Variants in SEL1L observed in about 807,000 individuals in gnomAD.
The protein encoded by SEL1L is SEL1L adaptor subunit of SYVN1 ubiquitin ligase.
Under a neutral mutation model 109.8 loss-of-function variants are expected in SEL1L, and 52 were observed. That is an observed-to-expected ratio of 0.47 (90% CI 0.38 to 0.60). The LOEUF (loss-of-function observed/expected upper bound fraction) is 0.60. Among genes scored for constraint, SEL1L ranks in the 20% least tolerant of loss-of-function variants. SEL1L has a pLI of 0.00. For missense variants in SEL1L, 749 were observed against 962.2 expected, an observed-to-expected ratio of 0.78 and a Z score of 2.93; for synonymous variants, 373 against 339.6, an observed-to-expected ratio of 1.10 and a Z score of -1.08.
intron 15 of SEL1L, 150 bp from the exon 16 acceptor site, chr14:81,487,688 A>G: frequency 6.7e-7 from 1 of 1,502,350 alleles, no homozygotes; most frequent in African/African-American, 1.4e-5. Context: ...ACTGATACAG[A>G]TTAATATAAT....
At chr14:81,502,676 A>G (rs1357528145) in intron 6 of SEL1L, 45 bp downstream of exon 6, 1 of 1,574,804 alleles carries the variant, frequency 6.3e-7, no homozygotes, top group South Asian at 1.2e-5. Flanking sequence ...TTTAAAACTA[A>G]CAAGTGTTAC....
intron 11 of SEL1L, among the ~76,000 whole-genome samples, chr14:81,493,664 A>G (rs558118174): frequency 5.3e-5 from 8 of 152,332 alleles, no homozygotes; most frequent in Admixed American, 5.2e-4. Context: ...TAAATTGGTG[A>G]CATGCACTTC....
intron 8 of SEL1L, 79 bp downstream of exon 8, chr14:81,499,380 G>A: frequency 1.9e-6 from 3 of 1,557,938 alleles, no homozygotes; most frequent in Non-Finnish European, 2.6e-6. Flanking sequence ...GATCATGAAA[G>A]CTGAAAAAGT....
At chr14:81,517,072 G>A (rs1884729463) in intron 3 of SEL1L, among the ~76,000 whole-genome samples, 1 of 152,186 alleles carries the variant, frequency 6.6e-6, no homozygotes, top group Non-Finnish European at 1.5e-5. Flanking sequence ...GATATATGGT[G>A]AAAGCGTTAA....
At chr14:81,531,421 CA>C (rs1885318038) in intron 1 of SEL1L, among the ~76,000 whole-genome samples, 2 of 152,160 alleles carry the variant, frequency 1.3e-5, no homozygotes, top group Admixed American at 1.3e-4. Flanking sequence ...TGTTCAAACA[CA>C]AAATTATAAC....
In SEL1L at chr14:81,498,425, C is replaced by A. The variant is rs750713305; in HGVS notation, c.961G>T (p.Val321Phe). 1 of 1,613,334 alleles carries A rather than the reference C, an allele frequency of 6.2e-7. No individual in the cohort carries two copies. The highest frequency in any genetic ancestry group is 1.1e-5 in the South Asian group (1 of 90,980). Reference sequence around the variant, plus strand: ...GAAACATAGATACCATGATTGGCAACAAGACGATAGTGAGTCAGGGCAGAT... The same window carrying A: ...GAAACATAGATACCATGATTGGCAAAAAGACGATAGTGAGTCAGGGCAGAT... ...CESALTHYRLVANHVASDISL... is the reference protein window; with the variant it reads ...CESALTHYRLFANHVASDISL... The change falls in exon 9 of 21, where the codon GTT (valine) becomes TTT (phenylalanine). Residue 321 changes from valine (V) to phenylalanine (F), a missense_variant. Around this residue, in one of 2 missense-constraint regions of SEL1L, gnomAD observed 366 missense variants for 399.8 expected, o/e 0.92. Coordinates refer to ENST00000336735, the MANE Select transcript of SEL1L (RefSeq NM_005065.6).
Position 81,487,413 on chromosome 14 carries a change from G to T in SEL1L, c.1609C>A (p.Arg537=). The change falls in exon 16 of 21, where the codon CGA becomes AGA. Residue 537 remains arginine (R), a synonymous_variant. Coordinates refer to ENST00000336735, the MANE Select transcript of SEL1L (RefSeq NM_005065.6). The part of the protein sequence containing the change: ...QMHASGTGVM[R]SCHTAVELFK... Reference sequence around the variant, plus strand: ...ACCTCCACTGCAGTGTGACATGATCGCATCACGCCGGTGCCACTGGCATGC... The same window carrying T: ...ACCTCCACTGCAGTGTGACATGATCTCATCACGCCGGTGCCACTGGCATGC... 1 of 1,591,038 alleles carries T rather than the reference G, an allele frequency of 6.3e-7. No individual in the cohort carries two copies. The highest frequency in any genetic ancestry group is 1.2e-5 in the South Asian group (1 of 86,308).
At position 81,472,256 on chromosome 14, in the gene SEL1L, A is replaced by G. The variant is rs1399392774; in HGVS notation, c.*4716T>C. On this transcript the variant is annotated 3_prime_UTR_variant, in exon 21 of 21. Coordinates refer to ENST00000336735, the MANE Select transcript of SEL1L (RefSeq NM_005065.6). ...CGACTTCCCCCACAACTTTTAGGTCAGTCAAGGTCATCTGGGGTCACTGAC... is the reference window on the plus strand; with the variant it reads ...CGACTTCCCCCACAACTTTTAGGTCGGTCAAGGTCATCTGGGGTCACTGAC... The G allele has an allele frequency of 6.2e-6, 1 of 160,102 alleles. No homozygotes were observed. Among genetic ancestry groups the G allele is most frequent in the Admixed American group, 6.3e-5 (1 of 15,828 alleles). 9.9% of individuals were successfully genotyped at this position (160,102 alleles called of 1,614,324 possible).
At chr14:81,487,826 T>TCCATCTAAATTA in intron 15 of SEL1L, 29 bp downstream of exon 15, 1 of 1,610,834 alleles carries the variant, frequency 6.2e-7, no homozygotes, top group African/African-American at 1.3e-5. Context: ...GATCTTGGTG[T>TCCATCTAAATTA]ATCCATCATT....
intron 1 of SEL1L, among the ~76,000 whole-genome samples, chr14:81,527,973 ATC>A (rs1566629106): frequency 6.6e-6 from 1 of 152,184 alleles, no homozygotes; most frequent in African/African-American, 2.4e-5. Context: ...CATTAGCTCC[ATC>A]TGTTACAAAG....
chr14:81,504,748 T>C (rs577555815), intron 4 of SEL1L, among the ~76,000 whole-genome samples: 1 of 151,598 alleles, frequency 6.6e-6, no homozygotes, highest in Non-Finnish European at 1.5e-5. Context: ...ATAGGGGTGG[T>C]TTTTCATGAA....
In SEL1L at chr14:81,499,592, A is replaced by C; in HGVS notation, c.831+17T>G. 1 of 1,609,718 alleles carries C rather than the reference A, an allele frequency of 6.2e-7. No individual in the cohort carries two copies. The highest frequency in any genetic ancestry group is 8.5e-7 in the Non-Finnish European group (1 of 1,178,948). On this transcript the variant is annotated intron_variant, in intron 7 of 20. Transcript: ENST00000336735. ...CAATTCAAATTGTAATATGCAATAA[A>C]GTTTTAATAGTATTACCTTTGCCTG...
chr14:81,488,533 T>C (rs1161090050), intron 14 of SEL1L, among the ~76,000 whole-genome samples: 3 of 152,074 alleles, frequency 2.0e-5, no homozygotes, highest in African/African-American at 7.2e-5. Context: ...CAGCCTCAAA[T>C]TAAAAGCACA....
chr14:81,490,139 T>C (rs1206184217), intron 13 of SEL1L, among the ~76,000 whole-genome samples: 1 of 152,224 alleles, frequency 6.6e-6, no homozygotes, highest in Non-Finnish European at 1.5e-5. Flanking sequence ...TAAAAATCAG[T>C]ATTTCCCCGA....
At chr14:81,531,337 T>C (rs556790653) in intron 1 of SEL1L, among the ~76,000 whole-genome samples, 154 of 152,222 alleles carry the variant, frequency 1.0e-3, no homozygotes, top group Non-Finnish European at 1.0e-3. Context: ...TCAACAGCAA[T>C]AGAATCAAGA....
At chr14:81,485,979 T>C (rs1903508768) in intron 17 of SEL1L, among the ~76,000 whole-genome samples, 1 of 152,208 alleles carries the variant, frequency 6.6e-6, no homozygotes, top group African/African-American at 2.4e-5. Context: ...GAACCAGTCA[T>C]GAGACTACTG....
chr14:81,507,070 A>T (rs1884269897), intron 3 of SEL1L, among the ~76,000 whole-genome samples: 1 of 152,190 alleles, frequency 6.6e-6, no homozygotes, highest in African/African-American at 2.4e-5. Flanking sequence ...ACTCAAACAG[A>T]TTGGTGCTAA....
At chr14:81,494,216 T>C (rs1001524769) in intron 11 of SEL1L, among the ~76,000 whole-genome samples, 3 of 152,192 alleles carry the variant, frequency 2.0e-5, no homozygotes, top group Admixed American at 1.3e-4. Flanking sequence ...ATCTTACTGG[T>C]TGCTTAAGAT....
At chr14:81,523,554 C>T (rs1885005019) in intron 3 of SEL1L, among the ~76,000 whole-genome samples, 1 of 152,018 alleles carries the variant, frequency 6.6e-6, no homozygotes, top group African/African-American at 2.4e-5. Flanking sequence ...ATCATGCTTC[C>T]CAGAGTCCTA....
Sources: allele counts gnomAD v4.1 joint callset (sites outside exome capture counted in the v4.1 genomes callset), GRCh38; gene constraint gnomAD v4.1.1; regional missense constraint gnomAD v4.1.1; transcripts MANE v1.5; gene names NCBI Gene and HGNC (gene_info 2026-07-23, HGNC 2026-07-21).